Variants in ALCAM observed in about 807,000 individuals in gnomAD.
The protein encoded by ALCAM is activated leukocyte cell adhesion molecule, also known as CD166 antigen.
A neutral mutation model predicts 70.9 loss-of-function variants in ALCAM; 30 were observed. The ratio of observed to expected loss-of-function variants is 0.42; its 90% CI spans 0.32 to 0.57. The LOEUF (loss-of-function observed/expected upper bound fraction) is 0.57, where lower values mean the gene tolerates loss of function less well. ALCAM is among the 20% of genes least tolerant of loss of function. The pLI, the probability that ALCAM is intolerant of heterozygous loss-of-function variation, is 0.11. For synonymous variants in ALCAM, 249 were observed against 242.5 expected, an observed-to-expected ratio of 1.03 and a Z score of -0.25; for missense variants, 591 against 695.1, an observed-to-expected ratio of 0.85 and a Z score of 1.68.
chr3:105,369,505 T>C (rs1576114222), intron 1 of ALCAM, among the ~76,000 whole-genome samples: 2 of 152,300 alleles, frequency 1.3e-5, no homozygotes, highest in South Asian at 2.1e-4. Flanking sequence ...GAAATTCTCA[T>C]TGCAGTATCA....
At chr3:105,548,244 C>T (rs1296211275) in intron 11 of ALCAM, among the ~76,000 whole-genome samples, 2 of 151,350 alleles carry the variant, frequency 1.3e-5, no homozygotes, top group African/African-American at 4.8e-5. Flanking sequence ...TCTGGCCTAC[C>T]ACTAGGGATT....
intron 1 of ALCAM, among the ~76,000 whole-genome samples, chr3:105,516,968 T>C (rs1237336173): frequency 1.3e-5 from 2 of 152,118 alleles, no homozygotes; most frequent in Non-Finnish European, 2.9e-5. Flanking sequence ...AAACTCAATT[T>C]TTAGACTTGG....
In ALCAM at chr3:105,367,178, G is replaced by C; in HGVS notation, c.-231G>C. 1.8e-6 allele frequency: 1 copy of C among 545,436 alleles called. No individual in the cohort carries two copies. The highest frequency in any genetic ancestry group is 3.2e-5 in the East Asian group (1 of 31,144). The allele number at this position is 545,436 out of a possible 1,614,324, so 33.8% of individuals were successfully genotyped here. On this transcript the variant is annotated 5_prime_UTR_variant, in exon 1 of 16. Coordinates refer to ENST00000306107, the MANE Select transcript of ALCAM (RefSeq NM_001627.4). Reference sequence around the variant, plus strand: ...CCCCGGAGGAGCAGCCGAAGGGCCCGTGGGCTGGTGTTGACCGGGAGGGAG... The same window carrying C: ...CCCCGGAGGAGCAGCCGAAGGGCCCCTGGGCTGGTGTTGACCGGGAGGGAG...
rs753054722 is a variant in ALCAM, at chr3:105,552,196, T to C, written c.1546+14T>C. The C allele has an allele frequency of 1.3e-6, 2 of 1,595,484 alleles. No homozygotes were observed. Among genetic ancestry groups the C allele is most frequent in the Non-Finnish European group, 1.7e-6 (2 of 1,171,262 alleles). On this transcript the variant is annotated intron_variant, in intron 13 of 15. Transcript: ENST00000306107. ...ACGAGATAAGTGGTAGGTACTATGC[T>C]GCCGACTCTTCTTCCTTGACTATCA...
At chr3:105,401,254 C>T (rs1182085698) in intron 1 of ALCAM, among the ~76,000 whole-genome samples, 2 of 152,186 alleles carry the variant, frequency 1.3e-5, no homozygotes, top group African/African-American at 2.4e-5. Context: ...TAAATAAAAA[C>T]TGAAATTATG....
chr3:105,496,915 G>T (rs1938759178), intron 1 of ALCAM, among the ~76,000 whole-genome samples: 1 of 151,516 alleles, frequency 6.6e-6, no homozygotes, highest in Admixed American at 6.6e-5. Flanking sequence ...GAGCAATGAA[G>T]AAGTGTAATA....
In ALCAM at chr3:105,513,171, C is replaced by T. The variant is rs868472269; in HGVS notation, c.74-6896C>T. On this transcript the variant is annotated intron_variant, in intron 1 of 15. Coordinates refer to ENST00000306107, the MANE Select transcript of ALCAM (RefSeq NM_001627.4). ...TTTATCACCACTTAAGGGCCTGTGC[C>T]TTACTTAGCATGTTGGCATAGACCC... is the stretch of plus-strand genomic sequence containing the variant. Among the ~76,000 whole-genome samples the T allele has an allele frequency of 6.0e-5, 9 of 150,412 alleles. No homozygotes were observed. In the Middle Eastern group the frequency reaches 0.01, roughly 173 times the overall value.
chr3:105,386,993 G>T (rs1258284162), intron 1 of ALCAM, among the ~76,000 whole-genome samples: 1 of 151,356 alleles, frequency 6.6e-6, no homozygotes, highest in Non-Finnish European at 1.5e-5. Flanking sequence ...AAATTATATT[G>T]AATGTTCGTG....
At chr3:105,524,644 C>T (rs1939649721) in intron 3 of ALCAM, 136 bp downstream of exon 3, 2 of 1,421,998 alleles carry the variant, frequency 1.4e-6, no homozygotes, top group Non-Finnish European at 1.8e-6. Context: ...AAGAGATCTT[C>T]ATTCTGCTCA....
In ALCAM at chr3:105,442,738, A is replaced by C. The variant is rs12107682; in HGVS notation, c.73+75257A>C. Among the ~76,000 whole-genome samples, 1,387 of 152,150 alleles carry C rather than the reference A, an allele frequency of 9.1e-3. 22 individuals carry two copies. The highest frequency in any genetic ancestry group is 0.032 in the African/African-American group (1,322 of 41,510). ...GGAGCTTGCAGTGAGCCGAGATCGC[A>C]CCACTGCACTCCAGTTTGGGTGACA... On this transcript the variant is annotated intron_variant, in intron 1 of 15. Coordinates refer to ENST00000306107, the MANE Select transcript of ALCAM (RefSeq NM_001627.4).
intron 1 of ALCAM, among the ~76,000 whole-genome samples, chr3:105,381,727 T>C (rs1053491956): frequency 2.6e-5 from 4 of 151,652 alleles, no homozygotes; most frequent in African/African-American, 9.7e-5. Context: ...ATGTAGACTC[T>C]GTAGATTCAG....
chr3:105,481,085 C>T (rs1938257481), intron 1 of ALCAM, among the ~76,000 whole-genome samples: 1 of 151,992 alleles, frequency 6.6e-6, no homozygotes, highest in African/African-American at 2.4e-5. Context: ...TGTTTTTTTA[C>T]TAGCACTGTT....
chr3:105,368,058 C>T (rs936007809), intron 1 of ALCAM, among the ~76,000 whole-genome samples: 1 of 151,868 alleles, frequency 6.6e-6, no homozygotes, highest in African/African-American at 2.4e-5. Flanking sequence ...CTGCGGTCCC[C>T]GTCCATTGTC....
intron 14 of ALCAM, among the ~76,000 whole-genome samples, chr3:105,557,556 A>G (rs1388747467): frequency 1.3e-5 from 2 of 152,132 alleles, no homozygotes; most frequent in Admixed American, 1.3e-4. Context: ...CTTGTTTTAA[A>G]TATATTTTCC....
intron 1 of ALCAM, among the ~76,000 whole-genome samples, chr3:105,510,084 A>C (rs1939196004): frequency 6.6e-6 from 1 of 152,024 alleles, no homozygotes; most frequent in Admixed American, 6.6e-5. Flanking sequence ...GTCAAAATGG[A>C]TTTAACATAC....
intron 2 of ALCAM, 56 bp downstream of exon 2, chr3:105,520,223 T>G (rs758326843): frequency 1.7e-5 from 21 of 1,235,522 alleles, no homozygotes; most frequent in Non-Finnish European, 2.5e-5. Context: ...TAAATAAAAT[T>G]CTTTCTGTGA....
chr3:105,536,181 C>T (rs1347648595), intron 6 of ALCAM, among the ~76,000 whole-genome samples: 2 of 151,762 alleles, frequency 1.3e-5, no homozygotes, highest in East Asian at 3.9e-4. Context: ...GCAACCTCCA[C>T]CTCTTGAATT....
At chr3:105,478,266 T>C (rs1374625535) in intron 1 of ALCAM, among the ~76,000 whole-genome samples, 1 of 152,122 alleles carries the variant, frequency 6.6e-6, no homozygotes, top group African/African-American at 2.4e-5. Context: ...TGCAGCAGCT[T>C]AAATTTTTGT....
At chr3:105,510,811 A>G (rs1217971519) in intron 1 of ALCAM, among the ~76,000 whole-genome samples, 1 of 152,060 alleles carries the variant, frequency 6.6e-6, no homozygotes, top group Non-Finnish European at 1.5e-5. Flanking sequence ...TAGTCTTCCA[A>G]AAATTCTTCT....
Sources: allele counts gnomAD v4.1 joint callset (sites outside exome capture counted in the v4.1 genomes callset), GRCh38; gene constraint gnomAD v4.1.1; transcripts MANE v1.5; gene names NCBI Gene and HGNC (gene_info 2026-07-23, HGNC 2026-07-21).